Variants in GRIN2B observed in about 807,000 individuals in gnomAD.
The protein encoded by GRIN2B is glutamate receptor ionotropic, NMDA 2B.
A neutral mutation model predicts 114.5 loss-of-function variants in GRIN2B; 5 were observed. That is an observed-to-expected ratio of 0.04 (90% CI 0.02 to 0.09). The LOEUF is 0.09. Among genes scored for constraint, GRIN2B ranks in the 10% least tolerant of loss-of-function variants. The pLI, the probability that GRIN2B is intolerant of heterozygous loss-of-function variation, is 1.00. For synonymous variants in GRIN2B, 787 were observed against 745.1 expected, an observed-to-expected ratio of 1.06 and a Z score of -0.92; for missense variants, 1,108 against 1,943.5, an observed-to-expected ratio of 0.57 and a Z score of 8.08.
chr12:13,866,406 A>G (rs1391070354), intron 2 of GRIN2B, among the ~76,000 whole-genome samples, 180 bp from the exon 3 acceptor site: 1 of 152,214 alleles, frequency 6.6e-6, no homozygotes, highest in Non-Finnish European at 1.5e-5. Context: ...GAGAAAATGA[A>G]ACTTTCAAAA....
chr12:13,767,009 C>A (rs1406396500), intron 3 of GRIN2B, among the ~76,000 whole-genome samples: 1 of 152,172 alleles, frequency 6.6e-6, no homozygotes, highest in Admixed American at 6.5e-5. Flanking sequence ...GTAATCCCAA[C>A]ACTTTGGGAG....
intron 4 of GRIN2B, among the ~76,000 whole-genome samples, chr12:13,735,707 A>T (rs959036649): frequency 6.6e-6 from 1 of 152,150 alleles, no homozygotes; most frequent in African/African-American, 2.4e-5. Flanking sequence ...ATCACGCCCT[A>T]ATCTTATTTA....
At chr12:13,653,634 G>A (rs1004142187) in intron 5 of GRIN2B, among the ~76,000 whole-genome samples, 3 of 152,062 alleles carry the variant, frequency 2.0e-5, no homozygotes, top group African/African-American at 4.8e-5. Flanking sequence ...AGTATCAAAT[G>A]TCAGAGAGAT....
chr12:13,884,329 C>T (rs1407487613), intron 2 of GRIN2B, among the ~76,000 whole-genome samples: 1 of 151,938 alleles, frequency 6.6e-6, no homozygotes, highest in African/African-American at 2.4e-5. Flanking sequence ...ACGTAGACAC[C>T]TTAACAATAT....
At chr12:13,671,035 C>T (rs1950017771) in intron 5 of GRIN2B, among the ~76,000 whole-genome samples, 2 of 152,104 alleles carry the variant, frequency 1.3e-5, no homozygotes, top group African/African-American at 2.4e-5. Flanking sequence ...ATAACAATTG[C>T]TCTGGGGAGG....
intron 4 of GRIN2B, among the ~76,000 whole-genome samples, chr12:13,712,191 G>A (rs1051797847): frequency 9.8e-5 from 14 of 142,830 alleles, no homozygotes; most frequent in African/African-American, 3.7e-4. Flanking sequence ...AGAACACATG[G>A]ACACAGGAAG....
chr12:13,970,724 C>CACAT (rs58811567), intron 2 of GRIN2B, among the ~76,000 whole-genome samples: 1 of 148,664 alleles, frequency 6.7e-6, no homozygotes, highest in Non-Finnish European at 1.5e-5. Context: ...CACACACACA[C>CACAT]ATCCAGTATT....
rs1948232620 is a variant in GRIN2B at position 13,537,994 on chromosome 12, T to G, written c.*24789A>C. 6.6e-6 allele frequency: 1 copy of G among 152,246 alleles called. No individual in the cohort carries two copies. Among genetic ancestry groups the G allele is most frequent in the Non-Finnish European group, 1.5e-5 (1 of 68,040 alleles). 9.4% of individuals were successfully genotyped at this position (152,246 alleles called of 1,614,324 possible). On this transcript the variant is annotated 3_prime_UTR_variant, in exon 14 of 14. Transcript: ENST00000609686. Reference sequence around the variant, plus strand: ...TGGTGGTCTCTTCCCATCTTCTTGGTCATTCCAGAATTCCACAAGAAATTT... The same window carrying G: ...TGGTGGTCTCTTCCCATCTTCTTGGGCATTCCAGAATTCCACAAGAAATTT...
chr12:13,564,457 C>T lies in GRIN2B; in HGVS notation c.2781G>A (p.Arg927=), dbSNP rs1375073837. 2 of 1,614,092 alleles carry T rather than the reference C, an allele frequency of 1.2e-6. No homozygotes were observed. The highest frequency in any genetic ancestry group is 1.3e-5 in the African/African-American group (1 of 74,942). The stretch of plus-strand genomic sequence containing the variant: ...CTGAGATGTCATAGACGGATGACTC[C>T]CGTCGGATGAAGTCCAGGGCGCTCT... ...SPQSALDFIR[R]ESSVYDISEH... is the part of the protein sequence containing the mutation. Residue 927 remains arginine, a synonymous_variant, in exon 14 of 14, where the codon CGG becomes CGA. Transcript: ENST00000609686. This position sits in a 1 kb window ranked among gnomAD's most constrained non-coding sequence, Gnocchi z 4.8.
chr12:13,909,418 T>C (rs1866595621), intron 2 of GRIN2B, among the ~76,000 whole-genome samples: 1 of 152,254 alleles, frequency 6.6e-6, no homozygotes, highest in Non-Finnish European at 1.5e-5. Flanking sequence ...TACCTCGGGA[T>C]AGGGCCGTGT....
intron 3 of GRIN2B, among the ~76,000 whole-genome samples, chr12:13,784,414 C>G (rs1020072924): frequency 5.3e-5 from 8 of 151,788 alleles, no homozygotes; most frequent in African/African-American, 1.9e-4. Flanking sequence ...TTGAGGAGTC[C>G]CCACATGACA....
intron 2 of GRIN2B, among the ~76,000 whole-genome samples, chr12:13,952,200 G>A (rs376792878): frequency 5.3e-5 from 8 of 152,186 alleles, no homozygotes; most frequent in East Asian, 3.9e-4. Context: ...TAGAGCTTCC[G>A]TAAAGGAAGT....
chr12:13,765,158 A>G (rs1173550373), intron 3 of GRIN2B, among the ~76,000 whole-genome samples: 3 of 152,232 alleles, frequency 2.0e-5, no homozygotes, highest in Non-Finnish European at 4.4e-5. Context: ...AAAAGTGCCA[A>G]TCTGCTCATC....
intron 3 of GRIN2B, among the ~76,000 whole-genome samples, chr12:13,762,992 C>T (rs1212850104): frequency 3.3e-5 from 5 of 152,098 alleles, no homozygotes; most frequent in Non-Finnish European, 2.9e-5. Flanking sequence ...TAGCAAAGTA[C>T]GGCTGTTCAC....
intron 4 of GRIN2B, among the ~76,000 whole-genome samples, chr12:13,699,846 C>T (rs549849534): frequency 1.1e-4 from 16 of 151,694 alleles, no homozygotes; most frequent in African/African-American, 2.9e-4. Flanking sequence ...CTCAGCCTCC[C>T]GAAGTGCTGG....
At chr12:13,790,789 A>G (rs1246694136) in intron 3 of GRIN2B, among the ~76,000 whole-genome samples, 3 of 152,230 alleles carry the variant, frequency 2.0e-5, no homozygotes, top group Non-Finnish European at 2.9e-5. Context: ...AAGTGAAATT[A>G]GGACCATTAT....
At chr12:13,695,644 G>A (rs1170147648) in intron 4 of GRIN2B, among the ~76,000 whole-genome samples, 1 of 152,126 alleles carries the variant, frequency 6.6e-6, no homozygotes, top group Admixed American at 6.5e-5. Flanking sequence ...AAATAAGGCT[G>A]AAAACAGGGC....
intron 3 of GRIN2B, among the ~76,000 whole-genome samples, chr12:13,782,297 ACT>A (rs962943587): frequency 1.3e-5 from 2 of 149,304 alleles, no homozygotes; most frequent in African/African-American, 2.5e-5. Context: ...ACACACACAC[ACT>A]CTCTCTCTCT....
intron 4 of GRIN2B, among the ~76,000 whole-genome samples, chr12:13,721,808 C>CAAAT (rs1157954699): frequency 6.6e-5 from 10 of 151,812 alleles, no homozygotes; most frequent in Non-Finnish European, 1.5e-4. Flanking sequence ...GTAAATTCAA[C>CAAAT]AAATAAATAA....
Sources: allele counts gnomAD v4.1 joint callset (sites outside exome capture counted in the v4.1 genomes callset), GRCh38; gene constraint gnomAD v4.1.1; non-coding constraint Gnocchi (gnomAD v3.1); transcripts MANE v1.5; gene names NCBI Gene and HGNC (gene_info 2026-07-23, HGNC 2026-07-21).